The following URB1 variants were observed in gnomAD, a reference collection of about 807,000 sequenced individuals.
URB1 encodes nucleolar pre-ribosomal-associated protein 1.
A neutral mutation model predicts 242.3 loss-of-function variants in URB1; 197 were observed. That is an observed-to-expected ratio of 0.81 (90% CI 0.72 to 0.91). URB1 has a LOEUF of 0.91. Ranked by LOEUF, URB1 falls within the 40% of genes least tolerant of loss-of-function variation. The pLI is 0.00. For synonymous variants in URB1, 1,153 were observed against 1,201.8 expected, an observed-to-expected ratio of 0.96 and a Z score of 0.84; for missense variants, 2,721 against 2,860.5, an observed-to-expected ratio of 0.95 and a Z score of 1.11.
intron 2 of URB1, among the ~76,000 whole-genome samples, chr21:32,384,987 G>GGAAGA (rs2033566870): frequency 6.8e-6 from 1 of 147,318 alleles, no homozygotes; most frequent in Non-Finnish European, 1.5e-5. Context: ...TCTCAAAAAT[G>GGAAGA]AAAGAAAAGA....
At chr21:32,346,878 TA>T (rs1176210040) in intron 22 of URB1, 77 bp downstream of exon 22, 1 of 1,439,270 alleles carries the variant, frequency 6.9e-7, no homozygotes, top group Non-Finnish European at 9.2e-7. Context: ...TTCTAGGGTT[TA>T]AAAATGGCCA....
intron 25 of URB1, 53 bp downstream of exon 25, chr21:32,341,413 G>C (rs1385445512): frequency 1.3e-6 from 2 of 1,520,654 alleles, no homozygotes. Flanking sequence ...TTTGCATGCT[G>C]AACGACATTC....
Position 32,361,199 on chromosome 21 carries a change from G to GAAAGAAAGAAAGAA in URB1, c.1640-77_1640-76insTTCTTTCTTTCTTT, listed in dbSNP as rs2033283674. 66 of 918,482 alleles carry GAAAGAAAGAAAGAA rather than the reference G, an allele frequency of 7.2e-5. 2 individuals are homozygous for GAAAGAAAGAAAGAA. The South Asian group carries it at 1.2e-3, about 16-fold the overall frequency. 56.9% of individuals were successfully genotyped at this position (918,482 alleles called of 1,614,324 possible). On this transcript the variant is annotated intron_variant, in intron 12 of 38. Coordinates refer to ENST00000382751, the MANE Select transcript of URB1 (RefSeq NM_014825.3). The stretch of plus-strand genomic sequence containing the variant: ...AGAAAGAAAGAAAGAAAGAAAGAAA[G>GAAAGAAAGAAAGAA]AAAGAAAATAGCTTGAATTAGAAAA...
Position 32,325,338 on chromosome 21 carries a change from G to C in URB1, c.5012C>G (p.Thr1671Ser). 6.4e-7 allele frequency: 1 copy of C among 1,551,690 alleles called. No homozygotes were observed. The change falls in exon 31 of 39, where the codon ACT becomes AGT. Residue 1671 changes from threonine to serine, a missense_variant. Thr to Ser is a moderately conservative substitution (Grantham distance 58). Transcript: ENST00000382751. ...KFLDSNALGL[T>S]VTALSSYDPQ... ...GTCATAGCTGCTGAGGGCTGTGACAGTTAGGCCCAGAGCATTTGAATCCAA... is the reference window on the plus strand; with the variant it reads ...GTCATAGCTGCTGAGGGCTGTGACACTTAGGCCCAGAGCATTTGAATCCAA...
Position 32,316,549 on chromosome 21 carries a change from TG to T in URB1, c.6550del (p.Gln2184ArgfsTer20). The T allele has an allele frequency of 6.4e-7, 1 of 1,551,080 alleles. No homozygotes were observed. The highest frequency in any genetic ancestry group is 8.7e-7 in the Non-Finnish European group (1 of 1,146,830). On this transcript the variant is annotated frameshift_variant, in exon 38 of 39. Transcript: ENST00000382751. LOFTEE classifies it high-confidence loss of function. ...NTVMLQLVAA[Q>X]GRAGSPFHPA... ...GTGGAAGGGGCTCCCTGCCCGGCCC[TG>T]GGCAGCCACCAGCTGCAGCATGACC... is the stretch of plus-strand genomic sequence containing the variant.
In URB1 at chr21:32,320,590, C is replaced by T. The variant is rs549870301; in HGVS notation, c.5535G>A (p.Ala1845=). Residue 1845 remains alanine (A), a synonymous_variant, in exon 35 of 39, where the codon GCG becomes GCA. Transcript: ENST00000382751. The stretch of plus-strand genomic sequence containing the variant: ...GGCTATAGTCTCGTATGATTTCATA[C>T]GCAGATCTGGCAACCTGGGCAGCAT... ...LQNAAQVARS[A]YEIIRDYSLL... 38 of 1,551,864 alleles carry T rather than the reference C, an allele frequency of 2.4e-5. No homozygotes were observed. The highest frequency in any genetic ancestry group is 2.1e-4 in the South Asian group (18 of 84,066).
chr21:32,368,319 C>T (rs1336145363), intron 9 of URB1, 84 bp downstream of exon 9: 46 of 1,281,382 alleles, frequency 3.6e-5, no homozygotes, highest in East Asian at 8.0e-5. Flanking sequence ...CCGCCTGCCT[C>T]GGCCTCCCGA....
At chr21:32,355,890 C>T (rs1294162529) in intron 15 of URB1, among the ~76,000 whole-genome samples, 1 of 152,214 alleles carries the variant, frequency 6.6e-6, no homozygotes, top group Non-Finnish European at 1.5e-5. Flanking sequence ...GGATTATAGG[C>T]ATGAGCCACC....
At chr21:32,327,871 C>T (rs2032847921) in intron 30 of URB1, among the ~76,000 whole-genome samples, 1 of 152,164 alleles carries the variant, frequency 6.6e-6, no homozygotes, top group African/African-American at 2.4e-5. Flanking sequence ...TGCATGCATG[C>T]ACTCATACAC....
chr21:32,316,985 C>A lies in URB1; in HGVS notation c.6115G>T (p.Ala2039Ser). The A allele has an allele frequency of 6.4e-7, 1 of 1,551,652 alleles. No homozygotes were observed. The highest frequency in any genetic ancestry group is 1.2e-5 in the South Asian group (1 of 84,052). Residue 2039 changes from alanine (A) to serine (S), a missense_variant, in exon 38 of 39, where the codon GCA (alanine) becomes TCA (serine). By Grantham distance (99) the Ala-to-Ser change is moderately conservative (BLOSUM62 1). Transcript: ENST00000382751. Reference protein sequence around the residue: ...PRGRKRRPGEAEEMADPELMA... With the variant: ...PRGRKRRPGESEEMADPELMA... ...AGCTCAGGGTCAGCCATCTCCTCTG[C>A]CTCCCCAGGCCTCCTCTTTCGGCCC...
chr21:32,364,330 C>T (rs906967300), intron 10 of URB1, among the ~76,000 whole-genome samples: 5 of 152,126 alleles, frequency 3.3e-5, no homozygotes, highest in Non-Finnish European at 7.4e-5. Flanking sequence ...GAAGCCCAGG[C>T]CCCGGCCCAC....
In URB1 at chr21:32,378,487, C is replaced by T; in HGVS notation, c.622G>A (p.Ala208Thr). 1 of 1,551,674 alleles carries T rather than the reference C, an allele frequency of 6.4e-7. No homozygotes were observed. Among genetic ancestry groups the T allele is most frequent in the Non-Finnish European group, 8.7e-7 (1 of 1,147,002 alleles). The change falls in exon 5 of 39, where the codon GCG (alanine) becomes ACG (threonine). Residue 208 changes from alanine to threonine, a missense_variant. Ala to Thr is a moderately conservative substitution (Grantham distance 58, BLOSUM62 0). Transcript: ENST00000382751. ...TGCACTATAGTGCTGTCATCACCCG[C>T]AATTAAAAAGGAGAGAGCAAACTGA... ...YVQFALSFLI[A>T]GDDSTIVQVL...
chr21:32,375,486 GAAAGTA>G lies in URB1; in HGVS notation c.665-9_665-4del, dbSNP rs777941007. ...GCTAAAAATGCAAGGAATAAATTCT[GAAAGTA>G]AAAGTTTCAAAGCATTAAATTCAAA... On this transcript the variant is annotated splice_region_variant and splice_polypyrimidine_tract_variant and intron_variant, in intron 5 of 38. Transcript: ENST00000382751. The G allele has an allele frequency of 6.7e-7, 1 of 1,488,270 alleles. No individual in the cohort carries two copies. The highest frequency in any genetic ancestry group is 9.0e-7 in the Non-Finnish European group (1 of 1,105,376). The allele number at this position is 1,488,270 out of a possible 1,614,324, so 92.2% of individuals were successfully genotyped here.
intron 9 of URB1, among the ~76,000 whole-genome samples, chr21:32,367,492 G>A (rs2033359032): frequency 6.6e-6 from 1 of 152,198 alleles, no homozygotes; most frequent in Non-Finnish European, 1.5e-5. Flanking sequence ...CCAGGCCCAG[G>A]TAGAGGCACA....
At chr21:32,332,970 C>A in intron 30 of URB1, 1 of 295,860 alleles carries the variant, frequency 3.4e-6, no homozygotes, top group Non-Finnish European at 6.5e-6. Flanking sequence ...CAGGCTGACC[C>A]ATTATCAGGA....
At chr21:32,365,906 C>A (rs987126501) in intron 10 of URB1, among the ~76,000 whole-genome samples, 1 of 152,182 alleles carries the variant, frequency 6.6e-6, no homozygotes, top group African/African-American at 2.4e-5. Flanking sequence ...CTTCTGAATA[C>A]CTGTCCTCCC....
chr21:32,342,304 T>A (rs1046219656), intron 24 of URB1, among the ~76,000 whole-genome samples: 1 of 152,158 alleles, frequency 6.6e-6, no homozygotes, highest in Non-Finnish European at 1.5e-5. Flanking sequence ...TGGAACTGGA[T>A]GATCAATGCT....
chr21:32,320,588 T>C lies in URB1; in HGVS notation c.5537A>G (p.Tyr1846Cys). The change falls in exon 35 of 39, where the codon TAT (tyrosine) becomes TGT (cysteine). Residue 1846 changes from tyrosine to cysteine, a missense_variant. Tyr to Cys is a radical substitution (Grantham distance 194, BLOSUM62 -2). Transcript: ENST00000382751. ...AAGGCTATAGTCTCGTATGATTTCA[T>C]ACGCAGATCTGGCAACCTGGGCAGC... Reference protein sequence around the residue: ...QNAAQVARSAYEIIRDYSLLT... With the variant: ...QNAAQVARSACEIIRDYSLLT... 1 of 1,551,964 alleles carries C rather than the reference T, an allele frequency of 6.4e-7. No individual in the cohort carries two copies. Among genetic ancestry groups the C allele is most frequent in the Non-Finnish European group, 8.7e-7 (1 of 1,147,052 alleles).
intron 24 of URB1, among the ~76,000 whole-genome samples, chr21:32,342,086 C>T (rs538700117): frequency 6.6e-6 from 1 of 152,054 alleles, no homozygotes; most frequent in Non-Finnish European, 1.5e-5. Context: ...CTGCTAGTAG[C>T]TCTGACATTT....
Sources: allele counts gnomAD v4.1 joint callset (sites outside exome capture counted in the v4.1 genomes callset), GRCh38; gene constraint gnomAD v4.1.1; transcripts MANE v1.5; gene names NCBI Gene and HGNC (gene_info 2026-07-23, HGNC 2026-07-21).